Variants in HOMER1 observed in about 807,000 individuals in gnomAD.
HOMER1 encodes the protein homer scaffold protein 1.
HOMER1 carries 3 observed loss-of-function variants against 48.9 expected under a neutral mutation model. That is an observed-to-expected ratio of 0.06 (90% CI 0.03 to 0.16). The LOEUF is 0.16. Among genes scored for constraint, HOMER1 ranks in the 10% least tolerant of loss-of-function variants. The probability of loss-of-function intolerance (pLI) is 1.00; values close to 1 mark genes in which losing one functional copy is unlikely to be tolerated. For missense variants in HOMER1, 247 were observed against 411.4 expected, an observed-to-expected ratio of 0.60 and a Z score of 3.46; for synonymous variants, 134 against 146.4, an observed-to-expected ratio of 0.92 and a Z score of 0.61.
chr5:79,422,284 G>T (rs1274645223), intron 5 of HOMER1, among the ~76,000 whole-genome samples: 3 of 151,466 alleles, frequency 2.0e-5, no homozygotes, highest in Non-Finnish European at 4.4e-5. Context: ...GAAATACACA[G>T]TTATTTTCTT....
intron 8 of HOMER1, 42 bp downstream of exon 8, chr5:79,396,781 C>G: frequency 8.3e-7 from 1 of 1,197,616 alleles, no homozygotes. Flanking sequence ...AAAATGATGC[C>G]TTTCTATGCA....
intron 5 of HOMER1, among the ~76,000 whole-genome samples, chr5:79,428,787 A>G (rs866136073): frequency 4.6e-5 from 7 of 152,230 alleles, no homozygotes; most frequent in Non-Finnish European, 5.9e-5. Flanking sequence ...AGAAGCTCCA[A>G]ATAAATGGGA....
chr5:79,394,903 T>C (rs757604520), intron 8 of HOMER1, among the ~76,000 whole-genome samples: 20 of 152,220 alleles, frequency 1.3e-4, no homozygotes, highest in Non-Finnish European at 2.5e-4. Flanking sequence ...CATTAGAAAT[T>C]TGATATAAAT....
At chr5:79,499,701 T>C (rs1275372778) in intron 1 of HOMER1, among the ~76,000 whole-genome samples, 1 of 152,180 alleles carries the variant, frequency 6.6e-6, no homozygotes, top group African/African-American at 2.4e-5. Context: ...AGACCATACA[T>C]GGCACATCTA....
At chr5:79,455,059 T>C (rs1382375977) in intron 2 of HOMER1, among the ~76,000 whole-genome samples, 1 of 151,620 alleles carries the variant, frequency 6.6e-6, no homozygotes, top group Non-Finnish European at 1.5e-5. Flanking sequence ...CCAGCCCCAG[T>C]CTCCTGAGTA....
At chr5:79,481,947 G>A (rs996323268) in intron 1 of HOMER1, among the ~76,000 whole-genome samples, 3 of 152,132 alleles carry the variant, frequency 2.0e-5, no homozygotes, top group East Asian at 1.9e-4. Context: ...GTCTGGGCAC[G>A]GTGGCTCACA....
chr5:79,496,197 A>C (rs1752415701), intron 1 of HOMER1, among the ~76,000 whole-genome samples: 1 of 152,224 alleles, frequency 6.6e-6, no homozygotes, highest in Non-Finnish European at 1.5e-5. Context: ...AGGAGGTGTG[A>C]AGTATGCGAC....
intron 6 of HOMER1, among the ~76,000 whole-genome samples, chr5:79,400,359 T>C (rs145364578): frequency 1.4e-4 from 22 of 151,738 alleles, no homozygotes; most frequent in East Asian, 9.7e-4. Context: ...TTCTTTCTTT[T>C]TTTTTTTTTT....
chr5:79,403,716 C>G (rs1749589592), intron 5 of HOMER1, among the ~76,000 whole-genome samples: 1 of 152,092 alleles, frequency 6.6e-6, no homozygotes, highest in African/African-American at 2.4e-5. Flanking sequence ...TGGATTTGAT[C>G]ATTGTATTAT....
intron 3 of HOMER1, among the ~76,000 whole-genome samples, 196 bp downstream of exon 3, chr5:79,450,794 T>C (rs979983487): frequency 2.0e-5 from 3 of 152,254 alleles, no homozygotes; most frequent in African/African-American, 7.2e-5. Context: ...CAATGGTGAC[T>C]GTTTTTAATG....
At chr5:79,376,365 C>G (rs1455257251) in intron 8 of HOMER1, among the ~76,000 whole-genome samples, 168 bp from the exon 9 acceptor site, 1 of 152,122 alleles carries the variant, frequency 6.6e-6, no homozygotes, top group Non-Finnish European at 1.5e-5. Flanking sequence ...TTGGCCATCC[C>G]AGAGAGCAAT....
At chr5:79,481,477 A>G (rs1751942195) in intron 1 of HOMER1, among the ~76,000 whole-genome samples, 2 of 152,228 alleles carry the variant, frequency 1.3e-5, no homozygotes, top group Admixed American at 1.3e-4. Context: ...AGTTTAAGAC[A>G]AAGTTGAAAA....
intron 1 of HOMER1, among the ~76,000 whole-genome samples, chr5:79,477,376 C>T (rs915577154): frequency 6.6e-6 from 1 of 152,152 alleles, no homozygotes; most frequent in Non-Finnish European, 1.5e-5. Context: ...CATTTACTTC[C>T]TACAAGAGGA....
At chr5:79,396,293 T>TAAA (rs141457964) in intron 8 of HOMER1, among the ~76,000 whole-genome samples, 28,240 of 147,918 alleles carry the variant, frequency 0.19, 3,876 homozygotes, top group East Asian at 0.43. Flanking sequence ...TAGTACATTG[T>TAAA]AAAATAATAA....
intron 2 of HOMER1, among the ~76,000 whole-genome samples, chr5:79,454,835 G>GT (rs1202309017): frequency 2.6e-5 from 4 of 152,144 alleles, no homozygotes; most frequent in South Asian, 4.1e-4. Context: ...AACAATAGCA[G>GT]TGAGTGTTTG....
At chr5:79,504,241 C>A (rs1199938675) in intron 1 of HOMER1, among the ~76,000 whole-genome samples, 1 of 151,646 alleles carries the variant, frequency 6.6e-6, no homozygotes, top group Non-Finnish European at 1.5e-5. Flanking sequence ...GTATACAGAA[C>A]CCTGGCAATA....
At chr5:79,464,114 A>G (rs1751389891) in intron 1 of HOMER1, among the ~76,000 whole-genome samples, 2 of 152,308 alleles carry the variant, frequency 1.3e-5, no homozygotes, top group Non-Finnish European at 2.9e-5. Context: ...AAGAAATTAC[A>G]CTTACATAAC....
chr5:79,400,733 A>AC (rs1387927524), intron 6 of HOMER1, among the ~76,000 whole-genome samples: 1 of 137,518 alleles, frequency 7.3e-6, no homozygotes, highest in African/African-American at 2.9e-5. Context: ...AAAAAAAAAA[A>AC]AACTTCTTCT....
chr5:79,432,332 A>C lies in HOMER1; in HGVS notation c.527+6678T>G, dbSNP rs866638994. ...AGCCCTCCACAAGAAAGAGATCATAATTAATCTAGGATCAATCTGTTCCAT... is the reference window on the plus strand; with the variant it reads ...AGCCCTCCACAAGAAAGAGATCATACTTAATCTAGGATCAATCTGTTCCAT... On this transcript the variant is annotated intron_variant, in intron 5 of 8. Transcript: ENST00000334082. 5.3e-5 allele frequency among the ~76,000 whole-genome samples: 8 copies of C among 152,244 alleles called. No homozygotes were observed. In the South Asian group the frequency reaches 8.3e-4, roughly 16 times the overall value.
Sources: allele counts gnomAD v4.1 joint callset (sites outside exome capture counted in the v4.1 genomes callset), GRCh38; gene constraint gnomAD v4.1.1; transcripts MANE v1.5; gene names NCBI Gene and HGNC (gene_info 2026-07-23, HGNC 2026-07-21).